HAUS2: variants seen among roughly 807,000 people sequenced by gnomAD.
The protein encoded by HAUS2 is HAUS augmin-like complex subunit 2.
Under a neutral mutation model 21.6 loss-of-function variants are expected in HAUS2, and 20 were observed. That is an observed-to-expected ratio of 0.93 (90% CI 0.65 to 1.35). The LOEUF is 1.35. HAUS2 is among the 40% of genes most tolerant of loss of function. The pLI, the probability that HAUS2 is intolerant of heterozygous loss-of-function variation, is 0.00. For missense variants in HAUS2, 297 were observed against 280.7 expected, an observed-to-expected ratio of 1.06 and a Z score of -0.42; for synonymous variants, 113 against 95.6, an observed-to-expected ratio of 1.18 and a Z score of -1.06.
chr15:42,563,410 C>CAA (rs745358598), intron 4 of HAUS2, among the ~76,000 whole-genome samples: 46 of 59,238 alleles, frequency 7.8e-4, no homozygotes, highest in South Asian at 3.4e-3. Context: ...GACTCCATCT[C>CAA]AAAAAAAAAA....
At chr15:42,553,838 A>T (rs2057748137) in intron 1 of HAUS2, among the ~76,000 whole-genome samples, 1 of 150,092 alleles carries the variant, frequency 6.7e-6, no homozygotes. Flanking sequence ...TTTTACTTTC[A>T]TTTACCTCCT....
chr15:42,558,314 CTTT>C (rs547363768), intron 2 of HAUS2, 24 bp downstream of exon 2: 9,112 of 369,648 alleles, frequency 0.025, 32 homozygotes, highest in African/African-American at 0.087. Flanking sequence ...TTTTCACTTT[CTTT>C]TTTTTTTTTT....
chr15:42,555,270 G>A (rs1166416909), intron 1 of HAUS2, among the ~76,000 whole-genome samples: 1 of 151,928 alleles, frequency 6.6e-6, no homozygotes, highest in African/African-American at 2.4e-5. Context: ...ACAGCCGTGA[G>A]CCACGGCGCC....
At chr15:42,562,634 G>A (rs548704367) in intron 4 of HAUS2, among the ~76,000 whole-genome samples, 1 of 152,272 alleles carries the variant, frequency 6.6e-6, no homozygotes, top group Non-Finnish European at 1.5e-5. Context: ...GCTATATTCA[G>A]TATCTGTTTA....
At chr15:42,564,630 G>A (rs1013284886) in intron 5 of HAUS2, among the ~76,000 whole-genome samples, 2 of 152,174 alleles carry the variant, frequency 1.3e-5, no homozygotes, top group Admixed American at 1.3e-4. Context: ...GTAGGATAGG[G>A]ATAGGAAGAC....
intron 4 of HAUS2, among the ~76,000 whole-genome samples, chr15:42,562,301 A>C (rs2057860497): frequency 6.6e-6 from 1 of 152,252 alleles, no homozygotes; most frequent in Non-Finnish European, 1.5e-5. Flanking sequence ...ATTCTTCCAA[A>C]AAAACAAAAC....
At chr15:42,554,083 A>G (rs28646241) in intron 1 of HAUS2, among the ~76,000 whole-genome samples, 2,639 of 152,280 alleles carry the variant, frequency 0.017, 31 homozygotes, top group Middle Eastern at 0.034. Context: ...ATCCCTTACC[A>G]TATCAACTAA....
Position 42,568,076 on chromosome 15 carries a change from A to G in HAUS2, c.*1260A>G. 1 of 151,996 alleles carries G rather than the reference A, an allele frequency of 6.6e-6. No homozygotes were observed. The highest frequency in any genetic ancestry group is 1.5e-5 in the Non-Finnish European group (1 of 68,040). 9.4% of individuals were successfully genotyped at this position (151,996 alleles called of 1,614,324 possible). A position where few individuals can be genotyped will look rare whatever the true frequency, so the allele number is the denominator to read the frequency against. On this transcript the variant is annotated 3_prime_UTR_variant, in exon 6 of 6. Coordinates refer to ENST00000260372, the MANE Select transcript of HAUS2 (RefSeq NM_018097.3). ...GGTCTTCTTGAATCTGAAAATGTCTATGATGATTATTCCTGTGGGAATGTC... is the reference window on the plus strand; with the variant it reads ...GGTCTTCTTGAATCTGAAAATGTCTGTGATGATTATTCCTGTGGGAATGTC...
At chr15:42,561,219 C>T (rs1423667267) in intron 3 of HAUS2, 51 bp from the exon 4 acceptor site, 1 of 1,143,116 alleles carries the variant, frequency 8.7e-7, no homozygotes, top group Admixed American at 1.8e-5. Context: ...AGAAATTATT[C>T]TGTTATTTGT....
intron 1 of HAUS2, among the ~76,000 whole-genome samples, chr15:42,553,049 C>T (rs901731506): frequency 6.7e-6 from 1 of 149,810 alleles, no homozygotes; most frequent in Non-Finnish European, 1.5e-5. Flanking sequence ...TGCAATGGCA[C>T]GATCTCAGCT....
chr15:42,549,613 A>AT (rs1019465479), intron 1 of HAUS2, among the ~76,000 whole-genome samples: 25 of 149,490 alleles, frequency 1.7e-4, no homozygotes, highest in East Asian at 7.9e-4. Context: ...CACCCAGCTA[A>AT]TTTTTTTTTG....
chr15:42,548,981 G>T lies in HAUS2; in HGVS notation c.93+16G>T. The T allele has an allele frequency of 6.7e-7, 1 of 1,500,124 alleles. No individual in the cohort carries two copies. Among genetic ancestry groups the T allele is most frequent in the Non-Finnish European group, 9.1e-7 (1 of 1,099,206 alleles). The allele number at this position is 1,500,124 out of a possible 1,614,324, so 92.9% of individuals were successfully genotyped here. On this transcript the variant is annotated intron_variant, in intron 1 of 5. Coordinates refer to ENST00000260372, the MANE Select transcript of HAUS2 (RefSeq NM_018097.3). Reference sequence around the variant, plus strand: ...GGTCAATCAGGTACGTGGGGGTGGCGGTGGTGTCATCAAGGGGGTGCCCAA... The same window carrying T: ...GGTCAATCAGGTACGTGGGGGTGGCTGTGGTGTCATCAAGGGGGTGCCCAA...
intron 5 of HAUS2, among the ~76,000 whole-genome samples, chr15:42,565,162 G>A (rs1032636704): frequency 7.2e-5 from 11 of 152,146 alleles, no homozygotes. Flanking sequence ...TAAGGAATAA[G>A]TGAAATTCGG....
chr15:42,548,973 G>T lies in HAUS2; in HGVS notation c.93+8G>T. 1 of 1,528,974 alleles carries T rather than the reference G, an allele frequency of 6.5e-7. No individual in the cohort carries two copies. The highest frequency in any genetic ancestry group is 8.9e-7 in the Non-Finnish European group (1 of 1,125,570). 94.7% of individuals were successfully genotyped at this position (1,528,974 alleles called of 1,614,324 possible). ...TCGGGGATGGTCAATCAGGTACGTG[G>T]GGGTGGCGGTGGTGTCATCAAGGGG... On this transcript the variant is annotated splice_region_variant and intron_variant, in intron 1 of 5. Coordinates refer to ENST00000260372, the MANE Select transcript of HAUS2 (RefSeq NM_018097.3).
rs201736333 is a variant in HAUS2 at position 42,557,042 on chromosome 15, C to T, written c.94-1156C>T. ...CTGGGTGACAAGAGCGAAACTCAGT[C>T]GGTGGCTCACGCCTGTAATCGCAGC... On this transcript the variant is annotated intron_variant, in intron 1 of 5. Coordinates refer to ENST00000260372, the MANE Select transcript of HAUS2 (RefSeq NM_018097.3). Among the ~76,000 whole-genome samples the T allele has an allele frequency of 1.8e-4, 27 of 150,998 alleles. No individual in the cohort carries two copies. The East Asian group carries it at 4.9e-3, about 28-fold the overall frequency.
At chr15:42,552,238 G>A (rs777008072) in intron 1 of HAUS2, among the ~76,000 whole-genome samples, 1 of 152,016 alleles carries the variant, frequency 6.6e-6, no homozygotes, top group Admixed American at 6.6e-5. Context: ...TGGTCAGGCT[G>A]GTCTCGAACT....
chr15:42,556,078 G>A (rs796564648), intron 1 of HAUS2, among the ~76,000 whole-genome samples: 1 of 150,024 alleles, frequency 6.7e-6, no homozygotes, highest in African/African-American at 2.5e-5. Context: ...TCCCAAACTA[G>A]CTGACTAGCT....
intron 2 of HAUS2, among the ~76,000 whole-genome samples, chr15:42,559,067 ATAG>A (rs1342709046): frequency 7.9e-5 from 12 of 152,248 alleles, no homozygotes; most frequent in African/African-American, 2.9e-4. Context: ...AGTTACAGTA[ATAG>A]TAGTAAGAGT....
chr15:42,560,717 T>C, intron 3 of HAUS2: 2 of 682,954 alleles, frequency 2.9e-6, no homozygotes, highest in Non-Finnish European at 5.3e-6. Context: ...TTCTCTCAAG[T>C]AGCTAGGACT....
Sources: allele counts gnomAD v4.1 joint callset (sites outside exome capture counted in the v4.1 genomes callset), GRCh38; gene constraint gnomAD v4.1.1; transcripts MANE v1.5; gene names NCBI Gene and HGNC (gene_info 2026-07-23, HGNC 2026-07-21).